TTC12: variants seen among roughly 807,000 people sequenced by gnomAD.
The protein encoded by TTC12 is tetratricopeptide repeat protein 12.
TTC12 carries 70 observed loss-of-function variants against 90.1 expected under a neutral mutation model. The observed-to-expected ratio is 0.78, with a 90% confidence interval of 0.64 to 0.95. TTC12 has a LOEUF of 0.95. Ranked by LOEUF, TTC12 falls within the 40% of genes least tolerant of loss-of-function variation. The pLI, the probability that TTC12 is intolerant of heterozygous loss-of-function variation, is 0.00. For synonymous variants in TTC12, 296 were observed against 311.5 expected (o/e 0.95, Z 0.53); for missense variants, 819 against 846.1 (o/e 0.97, Z 0.40).
At chr11:113,363,088 G>A (rs1555155896) in intron 19 of TTC12, among the ~76,000 whole-genome samples, 1 of 152,208 alleles carries the variant, frequency 6.6e-6, no homozygotes, top group African/African-American at 2.4e-5. Flanking sequence ...TGCCCATGAG[G>A]TCCATACACC....
At chr11:113,361,191 C>G (rs1555154866) in intron 18 of TTC12, among the ~76,000 whole-genome samples, 1 of 152,150 alleles carries the variant, frequency 6.6e-6, no homozygotes, top group East Asian at 1.9e-4. Flanking sequence ...TAGCAAAATT[C>G]TAGGATCTTT....
intron 21 of TTC12, 58 bp downstream of exon 21, chr11:113,365,118 G>T: frequency 1.3e-6 from 2 of 1,535,374 alleles, no homozygotes; most frequent in Non-Finnish European, 1.8e-6. Flanking sequence ...CTGAGCTGAG[G>T]TGCTGAGTTT....
chr11:113,351,945 C>A, intron 15 of TTC12, 125 bp from the exon 16 acceptor site: 3 of 1,129,358 alleles, frequency 2.7e-6, no homozygotes, highest in Non-Finnish European at 3.7e-6. Context: ...CAGGGATGCC[C>A]CTGTGTGACA....
chr11:113,371,689 A>C (rs999625522), intron 21 of TTC12: 1 of 152,170 alleles, frequency 6.6e-6, no homozygotes, highest in Non-Finnish European at 1.5e-5. Context: ...AGACCCGGAG[A>C]GGCAGGAAGC....
intron 4 of TTC12, chr11:113,324,337 C>T (rs782454561): frequency 1.9e-6 from 1 of 539,776 alleles, no homozygotes. Flanking sequence ...AAAAATCTCT[C>T]TTCAAAGAAA....
chr11:113,359,274 G>A, intron 16 of TTC12, 89 bp from the exon 17 acceptor site: 1 of 801,356 alleles, frequency 1.2e-6, no homozygotes, highest in Non-Finnish European at 2.1e-6. Context: ...GGAGTGTGGG[G>A]AACTCTGAGA....
chr11:113,360,077 T>TTGTTTTG, intron 18 of TTC12, 69 bp downstream of exon 18: 1 of 1,177,576 alleles, frequency 8.5e-7, no homozygotes, highest in Non-Finnish European at 1.2e-6. Context: ...TTGTTTTGTT[T>TTGTTTTG]TATTATCAGT....
At chr11:113,318,990 C>T (rs541514562) in intron 2 of TTC12, among the ~76,000 whole-genome samples, 1 of 152,100 alleles carries the variant, frequency 6.6e-6, no homozygotes, top group Admixed American at 6.5e-5. Flanking sequence ...CATCTCTACC[C>T]CTTAAATGTG....
At chr11:113,337,614 T>G (rs1948444046) in intron 8 of TTC12, among the ~76,000 whole-genome samples, 1 of 152,208 alleles carries the variant, frequency 6.6e-6, no homozygotes, top group African/African-American at 2.4e-5. Flanking sequence ...TACAGGCTTT[T>G]CAAAGGACTT....
chr11:113,324,769 A>C (rs1384919571), intron 5 of TTC12, 87 bp downstream of exon 5: 4 of 1,192,350 alleles, frequency 3.4e-6, no homozygotes, highest in Non-Finnish European at 4.8e-6. Context: ...ATTTGAGGAC[A>C]TCTAGATTCC....
chr11:113,350,376 C>G (rs112836169), intron 14 of TTC12, among the ~76,000 whole-genome samples: 2 of 152,172 alleles, frequency 1.3e-5, no homozygotes, highest in Non-Finnish European at 2.9e-5. Flanking sequence ...CCCGGGCCTC[C>G]ATGGGTTTGG....
intron 16 of TTC12, among the ~76,000 whole-genome samples, chr11:113,358,367 G>A (rs567177752): frequency 4.4e-4 from 67 of 152,272 alleles, no homozygotes; most frequent in Admixed American, 9.1e-4. Context: ...GTGGGCTGGT[G>A]CATGGTGATG....
At chr11:113,321,648 G>A (rs577040370) in intron 2 of TTC12, among the ~76,000 whole-genome samples, 4 of 152,306 alleles carry the variant, frequency 2.6e-5, no homozygotes, top group East Asian at 3.9e-4. Context: ...CAAGAGTGGA[G>A]CCTATTTCTC....
At chr11:113,355,456 A>G (rs1408918359) in intron 16 of TTC12, among the ~76,000 whole-genome samples, 1 of 152,066 alleles carries the variant, frequency 6.6e-6, no homozygotes, top group East Asian at 1.9e-4. Context: ...AGTCTCCTTC[A>G]GTTCAGCTCT....
intron 19 of TTC12, among the ~76,000 whole-genome samples, chr11:113,363,257 C>T (rs1950031271): frequency 6.6e-6 from 1 of 152,204 alleles, no homozygotes; most frequent in Admixed American, 6.5e-5. Context: ...GACTGTCATT[C>T]ATTATAACTT....
Position 113,343,256 on chromosome 11 carries a change from C to T in TTC12, c.986-1016C>T, listed in dbSNP as rs147887292. ...ATAGCTCCTTTGGGGAATGGGCTTA[C>T]CCGGAGGGGGTATCAACTAACTCTG... On this transcript the variant is annotated intron_variant, in intron 12 of 21. Coordinates refer to ENST00000529221, the MANE Select transcript of TTC12 (RefSeq NM_017868.4). Among the ~76,000 whole-genome samples the T allele has an allele frequency of 6.6e-4, 101 of 152,236 alleles. 2 individuals carry two copies. In the East Asian group the frequency reaches 0.019, roughly 28 times the overall value.
chr11:113,324,070 A>G, intron 4 of TTC12, 55 bp downstream of exon 4: 1 of 1,445,516 alleles, frequency 6.9e-7, no homozygotes, highest in Non-Finnish European at 9.7e-7. Context: ...ACCAGTTTTG[A>G]TTGATTGTAG....
At chr11:113,363,976 C>T in intron 20 of TTC12, 49 bp downstream of exon 20, 1 of 1,319,298 alleles carries the variant, frequency 7.6e-7, no homozygotes, top group South Asian at 1.2e-5. Flanking sequence ...GGTTCATCCA[C>T]CCTTGAAGCT....
intron 3 of TTC12, 78 bp downstream of exon 3, chr11:113,323,529 C>A (rs976781988): frequency 1.0e-6 from 1 of 986,682 alleles, no homozygotes; most frequent in Admixed American, 2.9e-5. Context: ...TAATCTCAAA[C>A]TGTCCAGCAA....
Sources: allele counts gnomAD v4.1 joint callset (sites outside exome capture counted in the v4.1 genomes callset), GRCh38; gene constraint gnomAD v4.1.1; transcripts MANE v1.5; gene names NCBI Gene and HGNC (gene_info 2026-07-23, HGNC 2026-07-21).